Variants in RASEF observed in about 807,000 individuals in gnomAD.
RASEF encodes the protein RAS and EF-hand domain containing.
In RASEF, 68 loss-of-function variants were observed where a neutral mutation model predicts 90.1. That is an observed-to-expected ratio of 0.75 (90% CI 0.62 to 0.92). The LOEUF (loss-of-function observed/expected upper bound fraction) is 0.92, where lower values mean the gene tolerates loss of function less well. Ranked by LOEUF, RASEF falls within the 40% of genes least tolerant of loss-of-function variation. RASEF has a pLI of 0.00. For missense variants in RASEF, 949 were observed against 937.2 expected, an observed-to-expected ratio of 1.01 and a Z score of -0.16; for synonymous variants, 331 against 345.2, an observed-to-expected ratio of 0.96 and a Z score of 0.46.
the RASEF span, among the ~76,000 whole-genome samples, chr9:83,148,501 C>T: frequency 6.6e-6 from 1 of 152,140 alleles, no homozygotes; most frequent in East Asian, 1.9e-4. Flanking sequence ...AGATTGCTAA[C>T]AAACCACAGG....
the RASEF span, among the ~76,000 whole-genome samples, chr9:83,218,654 A>G: frequency 6.6e-6 from 1 of 152,180 alleles, no homozygotes; most frequent in South Asian, 2.1e-4. Flanking sequence ...TCATAAAGAA[A>G]GCTGAAACAG....
intron 1 of RASEF, chr9:83,048,709 A>G (rs946112975): frequency 7.1e-6 from 7 of 985,242 alleles, no homozygotes; most frequent in African/African-American, 5.2e-5. Flanking sequence ...CTCAATTTAA[A>G]TGACAGAGGA....
At chr9:83,104,980 A>G in the RASEF span, among the ~76,000 whole-genome samples, 2 of 152,194 alleles carry the variant, frequency 1.3e-5, no homozygotes, top group Non-Finnish European at 2.9e-5. Flanking sequence ...GAATAAAGAA[A>G]TATAGATGAG....
the RASEF span, among the ~76,000 whole-genome samples, chr9:83,180,416 A>G: frequency 6.6e-6 from 1 of 152,124 alleles, no homozygotes; most frequent in African/African-American, 2.4e-5. Flanking sequence ...CAGCAGTTTT[A>G]TTCAAGTCAG....
chr9:83,207,293 A>T, the RASEF span, among the ~76,000 whole-genome samples: 2 of 152,180 alleles, frequency 1.3e-5, no homozygotes, highest in Non-Finnish European at 2.9e-5. Flanking sequence ...GAAGTGGGAT[A>T]AATTGAAGGC....
At chr9:83,144,386 A>AG in the RASEF span, among the ~76,000 whole-genome samples, 2,376 of 50,920 alleles carry the variant, frequency 0.047, 39 homozygotes, top group African/African-American at 0.058. Flanking sequence ...AAAGAAAGAA[A>AG]GAAAGGAAAG....
At chr9:83,180,908 T>A in the RASEF span, among the ~76,000 whole-genome samples, 2 of 151,946 alleles carry the variant, frequency 1.3e-5, no homozygotes, top group African/African-American at 4.8e-5. Context: ...AGTATGCAGA[T>A]CTCAGAAAGT....
the RASEF span, among the ~76,000 whole-genome samples, chr9:83,215,468 T>G: frequency 9.9e-5 from 15 of 152,134 alleles, no homozygotes; most frequent in African/African-American, 3.4e-4. Flanking sequence ...CTGGAGCCTA[T>G]AGTGCTCCCC....
chr9:83,074,731 T>C, the RASEF span, among the ~76,000 whole-genome samples: 4 of 152,190 alleles, frequency 2.6e-5, no homozygotes, highest in African/African-American at 9.7e-5. Context: ...ATAGTTCCCC[T>C]CTGGCCCTTT....
At chr9:83,173,709 C>T in the RASEF span, among the ~76,000 whole-genome samples, 1 of 151,880 alleles carries the variant, frequency 6.6e-6, no homozygotes, top group Non-Finnish European at 1.5e-5. Context: ...TGAGAGGTCA[C>T]ATGTCTCTGT....
Position 83,007,444 on chromosome 9 carries a change from T to A in RASEF, c.1021A>T (p.Ile341Leu). 1.2e-6 allele frequency: 2 copies of A among 1,609,608 alleles called. No individual in the cohort carries two copies. The highest frequency in any genetic ancestry group is 1.7e-6 in the Non-Finnish European group (2 of 1,175,878). The change falls in exon 7 of 17, where the codon ATA (isoleucine) becomes TTA (leucine). Residue 341 changes from isoleucine to leucine, a missense_variant. Transcript: ENST00000376447. ...TTTGATCTGCGGACTTACTGGAGTA[T>A]TTCAATTTGCCTCTCAAGACTATTT... The part of the protein sequence containing the change: ...DRNSLERQIE[I>L]LQTANRKLHD...
chr9:82,989,170 T>C (rs10780562), intron 16 of RASEF, among the ~76,000 whole-genome samples: 69,934 of 151,872 alleles, frequency 0.46, 16,922 homozygotes, highest in East Asian at 0.77. Flanking sequence ...TCTAATTTAT[T>C]AAGCACTATA....
chr9:82,999,600 A>G (rs1218307167), intron 12 of RASEF, among the ~76,000 whole-genome samples: 1 of 151,436 alleles, frequency 6.6e-6, no homozygotes, highest in Admixed American at 6.6e-5. Context: ...GGCTAAGCAG[A>G]TATCTCTCTT....
the RASEF span, among the ~76,000 whole-genome samples, chr9:83,111,413 G>A: frequency 1.1e-4 from 16 of 152,094 alleles, no homozygotes; most frequent in Non-Finnish European, 1.5e-4. Context: ...AGTAAGTTTC[G>A]GAGGCCTAAA....
the RASEF span, among the ~76,000 whole-genome samples, chr9:83,159,131 A>G: frequency 1.3e-5 from 2 of 150,618 alleles, no homozygotes; most frequent in Non-Finnish European, 2.9e-5. Flanking sequence ...GCTTGCAGTG[A>G]GCCAAGATCA....
At chr9:83,069,574 T>C in the RASEF span, among the ~76,000 whole-genome samples, 1 of 152,206 alleles carries the variant, frequency 6.6e-6, no homozygotes, top group Non-Finnish European at 1.5e-5. Flanking sequence ...TTGATTGATA[T>C]TTGGGTCATT....
chr9:83,110,936 T>G, the RASEF span, among the ~76,000 whole-genome samples: 1 of 151,568 alleles, frequency 6.6e-6, no homozygotes, highest in African/African-American at 2.4e-5. Flanking sequence ...TGAATTTACA[T>G]GAAAAAAAAA....
the RASEF span, among the ~76,000 whole-genome samples, chr9:83,177,038 C>T: frequency 7.9e-5 from 12 of 152,138 alleles, no homozygotes; most frequent in African/African-American, 2.6e-4. Context: ...TTCCCATCAC[C>T]TTCTCTGTGC....
At chr9:83,034,354 T>C (rs1464275858) in intron 1 of RASEF, among the ~76,000 whole-genome samples, 1 of 152,234 alleles carries the variant, frequency 6.6e-6, no homozygotes, top group Non-Finnish European at 1.5e-5. Flanking sequence ...GAGGAGTTTC[T>C]AATCTACATT....
Sources: allele counts gnomAD v4.1 joint callset (sites outside exome capture counted in the v4.1 genomes callset), GRCh38; gene constraint gnomAD v4.1.1; transcripts MANE v1.5; gene names NCBI Gene and HGNC (gene_info 2026-07-23, HGNC 2026-07-21).